ARHGAP32: variants seen among roughly 807,000 people sequenced by gnomAD.
ARHGAP32 encodes rho GTPase-activating protein 32.
ARHGAP32 carries 51 observed loss-of-function variants against 186.5 expected under a neutral mutation model. The ratio of observed to expected loss-of-function variants is 0.27; its 90% CI spans 0.22 to 0.35. The LOEUF is 0.35. Ranked by LOEUF, ARHGAP32 falls within the 10% of genes least tolerant of loss-of-function variation. The pLI is 1.00. For missense variants in ARHGAP32, 2,186 were observed against 2,623.5 expected, an observed-to-expected ratio of 0.83 and a Z score of 3.64; for synonymous variants, 950 against 964.3, an observed-to-expected ratio of 0.99 and a Z score of 0.27.
At chr11:129,201,486 T>C (rs1944453903) in intron 1 of ARHGAP32, among the ~76,000 whole-genome samples, 1 of 152,144 alleles carries the variant, frequency 6.6e-6, no homozygotes, top group Admixed American at 6.5e-5. Flanking sequence ...TTAACCACTG[T>C]TCTAGAGCCT....
In ARHGAP32 at chr11:128,976,654, T is replaced by C. The variant is rs753740125; in HGVS notation, c.2123-20A>G. The C allele has an allele frequency of 9.4e-6, 15 of 1,597,904 alleles. No homozygotes were observed. Among genetic ancestry groups the C allele is most frequent in the Non-Finnish European group, 1.3e-5 (15 of 1,165,516 alleles). Reference sequence around the variant, plus strand: ...TGCCACCTGAAGAATAAAAAACACATAGTGTGAAGATTTCTTATTTGTTAC... The same window carrying C: ...TGCCACCTGAAGAATAAAAAACACACAGTGTGAAGATTTCTTATTTGTTAC... On this transcript the variant is annotated intron_variant, in intron 19 of 22. Transcript: ENST00000682385.
chr11:129,143,009 GA>G (rs1354115670), intron 2 of ARHGAP32, among the ~76,000 whole-genome samples: 4 of 128,174 alleles, frequency 3.1e-5, no homozygotes, highest in Non-Finnish European at 5.1e-5. Context: ...TGATGAAGGG[GA>G]AAAAAATTTG....
chr11:129,032,238 G>A (rs181839193), intron 11 of ARHGAP32, among the ~76,000 whole-genome samples: 6 of 152,320 alleles, frequency 3.9e-5, no homozygotes, highest in Admixed American at 3.3e-4. Context: ...GCCAAGGGTC[G>A]TGGGTAACTT....
chr11:129,209,166 A>G (rs1279567874), intron 1 of ARHGAP32, among the ~76,000 whole-genome samples: 1 of 152,192 alleles, frequency 6.6e-6, no homozygotes, highest in Admixed American at 6.6e-5. Flanking sequence ...ACAATGACTC[A>G]TAACCTATTT....
chr11:129,117,810 G>A (rs1420557481), intron 5 of ARHGAP32, among the ~76,000 whole-genome samples: 1 of 151,520 alleles, frequency 6.6e-6, no homozygotes, highest in Admixed American at 6.6e-5. Context: ...AAGCACAGCA[G>A]GAACAGCGCT....
At chr11:129,036,320 C>T (rs184989678) in intron 11 of ARHGAP32, among the ~76,000 whole-genome samples, 4 of 133,170 alleles carry the variant, frequency 3.0e-5, no homozygotes, top group Admixed American at 8.8e-5. Flanking sequence ...GCGGAGGTTG[C>T]AGTGAGCTGA....
chr11:129,195,276 G>T (rs917171033), upstream of ARHGAP32, among the ~76,000 whole-genome samples: 1 of 151,844 alleles, frequency 6.6e-6, no homozygotes, highest in Middle Eastern at 3.2e-3. Flanking sequence ...TACTGTGCCC[G>T]GCCTCAAAGC....
chr11:129,035,201 A>C (rs1939281547), intron 11 of ARHGAP32, among the ~76,000 whole-genome samples: 1 of 135,268 alleles, frequency 7.4e-6, no homozygotes, highest in Non-Finnish European at 1.7e-5. Context: ...TCTCTATCAA[A>C]CTCTTACCTT....
In ARHGAP32 at chr11:128,969,741, C is replaced by G. The variant is rs750227102; in HGVS notation, c.5472G>C (p.Lys1824Asn). 1 of 1,614,186 alleles carries G rather than the reference C, an allele frequency of 6.2e-7. No homozygotes were observed. The highest frequency in any genetic ancestry group is 1.1e-5 in the South Asian group (1 of 91,082). ...TGGCCTTGGCTGCATGGCGGCTCTC[C>G]TTTCCTTCTGCCACTGAGAGAAGTC... ...KTGLLSVAEG[K>N]ESRHAAKAIS... The change falls in exon 23 of 23, where the codon AAG (lysine) becomes AAC (asparagine). Residue 1824 changes from lysine to asparagine, a missense_variant. Around this residue, in one of 5 missense-constraint regions of ARHGAP32, gnomAD observed 1,502 missense variants for 1,570.0 expected, o/e 0.96. Transcript: ENST00000682385. The surrounding 1 kb of genome is among the most constrained non-coding windows in gnomAD (Gnocchi z 4.8).
At chr11:129,069,406 T>G (rs146665098) in intron 6 of ARHGAP32, among the ~76,000 whole-genome samples, 8 of 152,174 alleles carry the variant, frequency 5.3e-5, no homozygotes, top group African/African-American at 1.9e-4. Context: ...GAACTTACTC[T>G]GGGCTGAACC....
chr11:129,151,012 T>C (rs1337893070), intron 2 of ARHGAP32, among the ~76,000 whole-genome samples: 11 of 150,348 alleles, frequency 7.3e-5, no homozygotes, highest in Admixed American at 6.6e-4. Context: ...TCAACAAAAC[T>C]TAAGGTAAAG....
At chr11:129,059,041 G>T (rs1940382387) in intron 10 of ARHGAP32, among the ~76,000 whole-genome samples, 1 of 152,140 alleles carries the variant, frequency 6.6e-6, no homozygotes, top group Admixed American at 6.5e-5. Context: ...GTCCACAGTT[G>T]GCTAATCTTT....
intron 11 of ARHGAP32, among the ~76,000 whole-genome samples, chr11:129,022,345 T>G (rs577519000): frequency 6.6e-6 from 1 of 152,190 alleles, no homozygotes; most frequent in African/African-American, 2.4e-5. Context: ...ACTTTGATAC[T>G]ATCAGAGGTG....
chr11:128,978,978 A>G, intron 18 of ARHGAP32, 63 bp from the exon 19 acceptor site: 1 of 1,445,522 alleles, frequency 6.9e-7, no homozygotes, highest in Middle Eastern at 1.8e-4. Context: ...CTTACAGAAA[A>G]GAAATGAACA....
intron 20 of ARHGAP32, 88 bp from the exon 21 acceptor site, chr11:128,975,090 T>C (rs1181625998): frequency 9.4e-7 from 1 of 1,067,278 alleles, no homozygotes; most frequent in Non-Finnish European, 1.4e-6. Flanking sequence ...AGCAGTAACT[T>C]ACTATCTAGG....
intron 1 of ARHGAP32, among the ~76,000 whole-genome samples, chr11:129,234,888 T>C (rs1192525538): frequency 6.6e-6 from 1 of 152,154 alleles, no homozygotes; most frequent in African/African-American, 2.4e-5. Context: ...CACCATTCCC[T>C]TAGTTTACCA....
chr11:128,974,609 G>C lies in ARHGAP32; in HGVS notation c.2588C>G (p.Thr863Arg), dbSNP rs1945490769. 9 of 1,614,180 alleles carry C rather than the reference G, an allele frequency of 5.6e-6. No individual in the cohort carries two copies. The highest frequency in any genetic ancestry group is 7.6e-6 in the Non-Finnish European group (9 of 1,180,026). Reference sequence around the variant, plus strand: ...AGGAGAGACAGGTTCAGAGCTTGCTGTGCTTCCTGGAGTCTGACATTGGCT... The same window carrying C: ...AGGAGAGACAGGTTCAGAGCTTGCTCTGCTTCCTGGAGTCTGACATTGGCT... ...GSSQCQTPGS[T>R]ASSEPVSPLQ... The change falls in exon 21 of 23, where the codon ACA (threonine) becomes AGA (arginine). Residue 863 changes from threonine to arginine, a missense_variant. By Grantham distance (71) the Thr-to-Arg change is moderately conservative. This residue lies in a region of ARHGAP32 where 1,502 missense variants were observed against 1,570.0 expected (regional missense o/e 0.96). Coordinates refer to ENST00000682385, the MANE Select transcript of ARHGAP32 (RefSeq NM_001378024.1).
chr11:129,137,094 G>T (rs1942951888), intron 2 of ARHGAP32, among the ~76,000 whole-genome samples: 1 of 150,926 alleles, frequency 6.6e-6, no homozygotes, highest in South Asian at 2.1e-4. Context: ...AAGGAATGAG[G>T]AATACTTCAA....
chr11:129,166,465 A>G (rs1490157781), intron 1 of ARHGAP32, among the ~76,000 whole-genome samples: 1 of 152,106 alleles, frequency 6.6e-6, no homozygotes, highest in African/African-American at 2.4e-5. Flanking sequence ...AATTACAGTC[A>G]AACTGCTAAA....
Sources: allele counts gnomAD v4.1 joint callset (sites outside exome capture counted in the v4.1 genomes callset), GRCh38; gene constraint gnomAD v4.1.1; regional missense constraint gnomAD v4.1.1; non-coding constraint Gnocchi (gnomAD v3.1); transcripts MANE v1.5; gene names NCBI Gene and HGNC (gene_info 2026-07-23, HGNC 2026-07-21).